The following ADAM22 variants were observed in gnomAD, a reference collection of about 807,000 sequenced individuals.
ADAM22 encodes the protein ADAM metallopeptidase domain 22.
Under a neutral mutation model 144.6 loss-of-function variants are expected in ADAM22, and 65 were observed. The ratio of observed to expected loss-of-function variants is 0.45; its 90% CI spans 0.37 to 0.55. ADAM22 has a LOEUF of 0.55. ADAM22 is among the 20% of genes least tolerant of loss of function. ADAM22 has a pLI of 0.00. For synonymous variants in ADAM22, 391 were observed against 412.6 expected, an observed-to-expected ratio of 0.95 and a Z score of 0.63; for missense variants, 974 against 1,184.9, an observed-to-expected ratio of 0.82 and a Z score of 2.61.
At chr7:87,982,481 G>A (rs1196728977) in intron 3 of ADAM22, among the ~76,000 whole-genome samples, 1 of 151,388 alleles carries the variant, frequency 6.6e-6, no homozygotes, top group Non-Finnish European at 1.5e-5. Flanking sequence ...TTGGCACAGG[G>A]ATAGCCAAGT....
At chr7:88,155,137 C>G (rs1839574164) in intron 21 of ADAM22, among the ~76,000 whole-genome samples, 1 of 151,882 alleles carries the variant, frequency 6.6e-6, no homozygotes, top group Admixed American at 6.6e-5. Context: ...TAAATGCAGC[C>G]TATAATTTCT....
At chr7:88,006,052 T>A (rs1161399290) in intron 3 of ADAM22, among the ~76,000 whole-genome samples, 1 of 152,222 alleles carries the variant, frequency 6.6e-6, no homozygotes, top group Admixed American at 6.5e-5. Flanking sequence ...GAAATATCAC[T>A]GTCTAGCTTT....
At chr7:88,136,992 G>A (rs1833138141) in intron 14 of ADAM22, among the ~76,000 whole-genome samples, 1 of 151,998 alleles carries the variant, frequency 6.6e-6, no homozygotes, top group Non-Finnish European at 1.5e-5. Context: ...CTGCATTTGT[G>A]GTTAAATCTC....
At chr7:88,190,267 C>T (rs1849319666) in intron 30 of ADAM22, among the ~76,000 whole-genome samples, 1 of 151,884 alleles carries the variant, frequency 6.6e-6, no homozygotes, top group Non-Finnish European at 1.5e-5. Context: ...GGGTGGGGTG[C>T]CTCATGCCTA....
At position 87,962,939 on chromosome 7, in the gene ADAM22, A is replaced by G. The variant is rs149353882; in HGVS notation, c.247-15397A>G. Among the ~76,000 whole-genome samples, 43 of 152,334 alleles carry G rather than the reference A, an allele frequency of 2.8e-4. 1 individual carries two copies. In the East Asian group the frequency reaches 7.7e-3, roughly 27 times the overall value. Reference sequence around the variant, plus strand: ...GTCTCGAAGATCTGGAGTTTTAACCACTATCCTATGCAACTTTTCATAAGC... The same window carrying G: ...GTCTCGAAGATCTGGAGTTTTAACCGCTATCCTATGCAACTTTTCATAAGC... On this transcript the variant is annotated intron_variant, in intron 2 of 31. Transcript: ENST00000413139.
intron 4 of ADAM22, among the ~76,000 whole-genome samples, chr7:88,080,144 G>A (rs1195734038): frequency 2.0e-5 from 3 of 152,140 alleles, no homozygotes; most frequent in Admixed American, 6.5e-5. Flanking sequence ...ATAACAAACT[G>A]TCTCCCAGAC....
At chr7:87,955,096 C>T (rs1366477155) in intron 2 of ADAM22, among the ~76,000 whole-genome samples, 5 of 152,160 alleles carry the variant, frequency 3.3e-5, no homozygotes, top group South Asian at 4.1e-4. Context: ...TCCTATAGCT[C>T]GGAGTAATTT....
At chr7:87,972,230 C>G (rs1850634267) in intron 2 of ADAM22, among the ~76,000 whole-genome samples, 1 of 152,204 alleles carries the variant, frequency 6.6e-6, no homozygotes, top group Non-Finnish European at 1.5e-5. Context: ...GCAACTTCAG[C>G]AAAGTCTCAG....
intron 4 of ADAM22, among the ~76,000 whole-genome samples, chr7:88,099,369 A>C (rs1026203368): frequency 2.6e-5 from 4 of 152,178 alleles, no homozygotes; most frequent in African/African-American, 9.6e-5. Flanking sequence ...TTGAGCCTTA[A>C]TTCCCAGAGG....
At position 88,108,737 on chromosome 7, in the gene ADAM22, TAAAGAAAGAAAG is replaced by T. The variant is rs146566493; in HGVS notation, c.473+495_473+506del. 2.3e-3 allele frequency among the ~76,000 whole-genome samples: 339 copies of T among 148,750 alleles called. 1 individual carries two copies. The highest frequency in any genetic ancestry group is 7.9e-3 in the African/African-American group (316 of 40,168). ...GAGCGAGACTCTGATTCAAAAAAAA[TAAAGAAAGAAAG>T]AAAGAAAGAAAGAAAAGTCCTACAT... is the stretch of plus-strand genomic sequence containing the variant. On this transcript the variant is annotated intron_variant, in intron 5 of 31. Coordinates refer to ENST00000413139, the MANE Select transcript of ADAM22 (RefSeq NM_001324418.2).
Position 88,201,652 on chromosome 7 carries a change from T to C in ADAM22, c.*5161T>C, listed in dbSNP as rs1586703531. ...CACTGTTCATAAAACCTGTATCATA[T>C]GGGGAAGCTTCAAGGCTGGCAGGCT... On this transcript the variant is annotated 3_prime_UTR_variant, in exon 32 of 32. Coordinates refer to ENST00000413139, the MANE Select transcript of ADAM22 (RefSeq NM_001324418.2). 6.6e-6 allele frequency: 1 copy of C among 152,176 alleles called. No individual in the cohort carries two copies. Among genetic ancestry groups the C allele is most frequent in the African/African-American group, 2.4e-5 (1 of 41,440 alleles). 9.4% of individuals were successfully genotyped at this position (152,176 alleles called of 1,614,324 possible). A position where few individuals can be genotyped will look rare whatever the true frequency, so the allele number is the denominator to read the frequency against.
chr7:88,022,211 A>G (rs1356679949), intron 3 of ADAM22, among the ~76,000 whole-genome samples: 1 of 151,896 alleles, frequency 6.6e-6, no homozygotes, highest in African/African-American at 2.4e-5. Flanking sequence ...ACACTTAACT[A>G]TTACTTAACT....
chr7:87,968,190 A>G (rs1849601069), intron 2 of ADAM22, among the ~76,000 whole-genome samples: 1 of 152,172 alleles, frequency 6.6e-6, no homozygotes, highest in African/African-American at 2.4e-5. Flanking sequence ...TCTTTAATCC[A>G]TTTTTATGGC....
intron 4 of ADAM22, among the ~76,000 whole-genome samples, chr7:88,091,172 A>G (rs1340889776): frequency 6.6e-6 from 1 of 152,166 alleles, no homozygotes; most frequent in African/African-American, 2.4e-5. Flanking sequence ...GGGGCAAATA[A>G]CTGCCGCCAG....
chr7:87,962,946 T>C (rs1848305617), intron 2 of ADAM22, among the ~76,000 whole-genome samples: 1 of 152,206 alleles, frequency 6.6e-6, no homozygotes. Flanking sequence ...ACCACTATCC[T>C]ATGCAACTTT....
At chr7:88,110,329 G>A (rs1825673637) in intron 5 of ADAM22, among the ~76,000 whole-genome samples, 1 of 152,032 alleles carries the variant, frequency 6.6e-6, no homozygotes, top group Admixed American at 6.6e-5. Context: ...TATATTGGGG[G>A]TAAAAAATGA....
At chr7:87,986,407 G>A (rs963144820) in intron 3 of ADAM22, among the ~76,000 whole-genome samples, 2 of 152,152 alleles carry the variant, frequency 1.3e-5, no homozygotes, top group South Asian at 2.1e-4. Flanking sequence ...GGTGCTGGAA[G>A]ATCCATGGAT....
intron 11 of ADAM22, 193 bp from the exon 12 acceptor site, chr7:88,132,674 C>A: frequency 2.3e-6 from 1 of 439,328 alleles, no homozygotes; most frequent in Non-Finnish European, 4.1e-6. Context: ...ATTAATCTTG[C>A]AAGAAAACAT....
chr7:88,156,279 G>A (rs1223253070), intron 22 of ADAM22, among the ~76,000 whole-genome samples: 1 of 152,170 alleles, frequency 6.6e-6, no homozygotes, highest in Admixed American at 6.5e-5. Context: ...TTTGGAAAAT[G>A]AATGAGGACT....
Sources: allele counts gnomAD v4.1 joint callset (sites outside exome capture counted in the v4.1 genomes callset), GRCh38; gene constraint gnomAD v4.1.1; transcripts MANE v1.5; gene names NCBI Gene and HGNC (gene_info 2026-07-23, HGNC 2026-07-21).